Variants in KLHL8 observed in about 807,000 individuals in gnomAD.
The protein encoded by KLHL8 is kelch-like protein 8.
Under a neutral mutation model 63.5 loss-of-function variants are expected in KLHL8, and 38 were observed. The observed-to-expected ratio is 0.60, with a 90% CI of 0.46 to 0.78. KLHL8 has a LOEUF of 0.78. KLHL8 is among the 30% of genes least tolerant of loss of function. KLHL8 has a pLI of 0.00. For synonymous variants in KLHL8, 224 were observed against 254.3 expected (o/e 0.88, Z 1.13); for missense variants, 566 against 752.4 (o/e 0.75, Z 2.90).
chr4:87,164,915 A>G (rs186738942), intron 8 of KLHL8, among the ~76,000 whole-genome samples: 2,731 of 151,996 alleles, frequency 0.018, 75 homozygotes, highest in African/African-American at 0.055. Flanking sequence ...TTGGGAGGCC[A>G]AGGGGGGCCG....
At chr4:87,169,310 T>A (rs1000006227) in intron 8 of KLHL8, among the ~76,000 whole-genome samples, 1 of 151,850 alleles carries the variant, frequency 6.6e-6, no homozygotes, top group African/African-American at 2.4e-5. Context: ...ATCTCAAAAA[T>A]AAATAAATAA....
In KLHL8 at chr4:87,195,676, TAC is replaced by T. The variant is rs1221642080; in HGVS notation, c.-139_-138del. 28 of 656,754 alleles carry T rather than the reference TAC, an allele frequency of 4.3e-5. No homozygotes were observed. Among genetic ancestry groups the T allele is most frequent in the African/African-American group, 3.6e-4 (20 of 55,320 alleles). The allele number at this position is 656,754 out of a possible 1,614,324, so 40.7% of individuals were successfully genotyped here. ...TTCAAAACCCACTCAACTGCCATTG[TAC>T]AGTTTGCTGTGACTGAAAAATCAAC... On this transcript the variant is annotated 5_prime_UTR_variant, in exon 2 of 10. Coordinates refer to ENST00000273963, the MANE Select transcript of KLHL8 (RefSeq NM_020803.5).
At chr4:87,164,874 C>G (rs537366833) in intron 8 of KLHL8, among the ~76,000 whole-genome samples, 1 of 152,150 alleles carries the variant, frequency 6.6e-6, no homozygotes, top group East Asian at 1.9e-4. Context: ...AGAGGCCGGG[C>G]GCGGTGGCTC....
chr4:87,231,230 G>T (rs1029456390), intron 1 of KLHL8, among the ~76,000 whole-genome samples: 9 of 152,120 alleles, frequency 5.9e-5, no homozygotes, highest in African/African-American at 2.2e-4. Context: ...GTCACCCTCC[G>T]CGGAATCTGT....
chr4:87,234,155 G>A (rs1733186786), intron 1 of KLHL8, among the ~76,000 whole-genome samples: 1 of 152,112 alleles, frequency 6.6e-6, no homozygotes, highest in Admixed American at 6.5e-5. Context: ...TTATAGTGCA[G>A]CTGGCTGGGT....
intron 1 of KLHL8, among the ~76,000 whole-genome samples, chr4:87,206,521 T>C (rs1732138229): frequency 6.6e-6 from 1 of 152,216 alleles, no homozygotes; most frequent in Non-Finnish European, 1.5e-5. Context: ...TAATCTTAAA[T>C]ATACTCTTGT....
intron 2 of KLHL8, among the ~76,000 whole-genome samples, chr4:87,193,246 T>G (rs752885159): frequency 6.6e-6 from 1 of 152,212 alleles, no homozygotes; most frequent in Non-Finnish European, 1.5e-5. Flanking sequence ...TTTTTTCTAC[T>G]TAAAATTTTT....
At chr4:87,208,629 C>A (rs139955999) in intron 1 of KLHL8, among the ~76,000 whole-genome samples, 1 of 152,092 alleles carries the variant, frequency 6.6e-6, no homozygotes, top group Non-Finnish European at 1.5e-5. Context: ...TGAGCCACTG[C>A]GCCCAGGAGT....
intron 1 of KLHL8, among the ~76,000 whole-genome samples, chr4:87,239,826 G>A (rs539089246): frequency 3.4e-4 from 52 of 152,228 alleles, no homozygotes; most frequent in African/African-American, 8.4e-4. Flanking sequence ...TAAAAATAAA[G>A]TAAAAAGAGA....
intron 8 of KLHL8, among the ~76,000 whole-genome samples, chr4:87,164,288 C>T (rs909806989): frequency 1.3e-5 from 2 of 151,782 alleles, no homozygotes; most frequent in African/African-American, 4.8e-5. Flanking sequence ...AGGTAAGTGA[C>T]ATTTTCCTCA....
upstream of KLHL8, among the ~76,000 whole-genome samples, chr4:87,222,473 C>T (rs944199394): frequency 3.3e-5 from 5 of 152,222 alleles, no homozygotes; most frequent in Admixed American, 1.3e-4. Flanking sequence ...TCCTATTAGT[C>T]TGCCATTTGA....
At chr4:87,164,968 G>T (rs550044741) in intron 8 of KLHL8, among the ~76,000 whole-genome samples, 14 of 151,964 alleles carry the variant, frequency 9.2e-5, no homozygotes, top group Admixed American at 2.6e-4. Flanking sequence ...CTAACACGGT[G>T]AAACCCCGTC....
intron 1 of KLHL8, among the ~76,000 whole-genome samples, chr4:87,218,938 G>A (rs1732709083): frequency 6.6e-6 from 1 of 151,970 alleles, no homozygotes; most frequent in Non-Finnish European, 1.5e-5. Flanking sequence ...GTTTCACCAT[G>A]TTGGCCAGAC....
chr4:87,212,413 C>T (rs965949000), intron 1 of KLHL8, among the ~76,000 whole-genome samples: 1 of 151,954 alleles, frequency 6.6e-6, no homozygotes, highest in African/African-American at 2.4e-5. Flanking sequence ...GAGCCAGTCT[C>T]GACAAAAGAT....
chr4:87,193,521 AT>A (rs1213455409), intron 2 of KLHL8, among the ~76,000 whole-genome samples: 3 of 152,056 alleles, frequency 2.0e-5, no homozygotes, highest in South Asian at 2.1e-4. Flanking sequence ...ACTTTCTGCA[AT>A]TTTTTTCTTT....
chr4:87,220,024 C>T (rs1487023132), intron 1 of KLHL8: 1 of 152,384 alleles, frequency 6.6e-6, no homozygotes, highest in Non-Finnish European at 1.5e-5. Context: ...TTCCTGGACC[C>T]CGCGAAGCAC....
intron 5 of KLHL8, among the ~76,000 whole-genome samples, chr4:87,177,755 C>A (rs1730884693): frequency 6.6e-6 from 1 of 152,044 alleles, no homozygotes; most frequent in Non-Finnish European, 1.5e-5. Flanking sequence ...CACAGGCGTG[C>A]ACCACTATGT....
intron 1 of KLHL8, chr4:87,207,089 G>A: frequency 2.0e-6 from 1 of 492,848 alleles, no homozygotes; most frequent in Non-Finnish European, 3.9e-6. Context: ...CGCTGAGGTA[G>A]TGAAGGTGAT....
chr4:87,195,708 A>G lies in KLHL8; in HGVS notation c.-151-18T>C, dbSNP rs1731669375. The stretch of plus-strand genomic sequence containing the variant: ...TGCTGTGACTGAAAAATCAACAATA[A>G]AACAGGTAGAGACAAACGAAAAGAA... On this transcript the variant is annotated intron_variant, in intron 1 of 9. Transcript: ENST00000273963. 5.5e-6 allele frequency: 3 copies of G among 550,146 alleles called. No homozygotes were observed. The highest frequency in any genetic ancestry group is 9.6e-6 in the Non-Finnish European group (3 of 313,914). The allele number at this position is 550,146 out of a possible 1,614,324, so 34.1% of individuals were successfully genotyped here.
Sources: allele counts gnomAD v4.1 joint callset (sites outside exome capture counted in the v4.1 genomes callset), GRCh38; gene constraint gnomAD v4.1.1; transcripts MANE v1.5; gene names NCBI Gene and HGNC (gene_info 2026-07-23, HGNC 2026-07-21).